The following ATAD1 variants were observed in gnomAD, a reference collection of about 807,000 sequenced individuals.
ATAD1 encodes ATPase family AAA domain containing 1.
A neutral mutation model predicts 42.7 loss-of-function variants in ATAD1; 18 were observed. That is an observed-to-expected ratio of 0.42 (90% CI 0.29 to 0.63). ATAD1 has a LOEUF of 0.63. ATAD1 is among the 20% of genes least tolerant of loss of function. The pLI is 0.19. For missense variants in ATAD1, 294 were observed against 440.4 expected (o/e 0.67, Z 2.98); for synonymous variants, 132 against 143.1 (o/e 0.92, Z 0.55).
chr10:87,817,810 C>T, intron 1 of ATAD1: 2 of 985,466 alleles, frequency 2.0e-6, no homozygotes, highest in Non-Finnish European at 2.4e-6. Flanking sequence ...TCATTCCAGC[C>T]GCCTTCGTCT....
At chr10:87,764,568 T>C (rs1854645312) in intron 8 of ATAD1, among the ~76,000 whole-genome samples, 1 of 152,180 alleles carries the variant, frequency 6.6e-6, no homozygotes, top group Non-Finnish European at 1.5e-5. Flanking sequence ...AAATTCCAAA[T>C]ATGATAAAGA....
chr10:87,811,334 A>AAAATAAATAAATAAAT (rs71022509), intron 2 of ATAD1, among the ~76,000 whole-genome samples: 34,697 of 149,356 alleles, frequency 0.23, 4,393 homozygotes, highest in Non-Finnish European at 0.28. Flanking sequence ...CTCCAACTCA[A>AAAATAAATAAATAAAT]AAATAAATAA....
intron 1 of ATAD1, among the ~76,000 whole-genome samples, chr10:87,817,590 C>G (rs1336192805): frequency 6.6e-6 from 1 of 152,210 alleles, no homozygotes; most frequent in Non-Finnish European, 1.5e-5. Flanking sequence ...CAGTATTTCA[C>G]AAATCGTTTC....
intron 6 of ATAD1, among the ~76,000 whole-genome samples, chr10:87,771,914 T>C (rs1855049781): frequency 6.6e-6 from 1 of 152,168 alleles, no homozygotes; most frequent in African/African-American, 2.4e-5. Context: ...TTATTGGTAT[T>C]CCATGGAAAC....
chr10:87,831,091 C>T (rs1000920961), intron 1 of ATAD1, among the ~76,000 whole-genome samples: 1 of 152,106 alleles, frequency 6.6e-6, no homozygotes. Flanking sequence ...CCTTGGTTTT[C>T]TCATGTATAA....
At chr10:87,814,726 T>C (rs1389472135) in intron 1 of ATAD1, 114 bp from the exon 2 acceptor site, 1 of 752,628 alleles carries the variant, frequency 1.3e-6, no homozygotes, top group Non-Finnish European at 1.8e-6. Flanking sequence ...CAAATTAAAA[T>C]ATTACCTACC....
At chr10:87,764,764 A>C (rs1854655655) in intron 8 of ATAD1, among the ~76,000 whole-genome samples, 1 of 152,180 alleles carries the variant, frequency 6.6e-6, no homozygotes, top group Non-Finnish European at 1.5e-5. Flanking sequence ...GGCAAAACCC[A>C]GACTGTGGAC....
chr10:87,821,858 A>G (rs1857637518), upstream of ATAD1, among the ~76,000 whole-genome samples: 1 of 152,182 alleles, frequency 6.6e-6, no homozygotes, highest in Admixed American at 6.5e-5. Flanking sequence ...ATCTGAGCTG[A>G]TTGGGATATA....
chr10:87,769,833 C>G (rs1854946447), intron 7 of ATAD1, among the ~76,000 whole-genome samples: 1 of 151,984 alleles, frequency 6.6e-6, no homozygotes, highest in Non-Finnish European at 1.5e-5. Context: ...GTAATCCCAA[C>G]TTATTGGGAG....
chr10:87,780,327 T>G (rs1855507578), intron 5 of ATAD1, among the ~76,000 whole-genome samples: 1 of 152,148 alleles, frequency 6.6e-6, no homozygotes, highest in African/African-American at 2.4e-5. Context: ...AGGACAAATA[T>G]TTGATACTAT....
At chr10:87,787,529 G>A (rs994426716) in intron 4 of ATAD1, among the ~76,000 whole-genome samples, 3 of 152,114 alleles carry the variant, frequency 2.0e-5, no homozygotes, top group African/African-American at 7.2e-5. Flanking sequence ...AGAGGCAGGA[G>A]GATCATTTGA....
At chr10:87,833,468 T>C (rs1024379496) in intron 1 of ATAD1, among the ~76,000 whole-genome samples, 6 of 152,182 alleles carry the variant, frequency 3.9e-5, no homozygotes, top group Admixed American at 1.3e-4. Context: ...TTTATCTTCT[T>C]GCCTTATTAC....
intron 2 of ATAD1, among the ~76,000 whole-genome samples, chr10:87,809,257 C>A (rs1326414513): frequency 5.3e-5 from 8 of 152,142 alleles, no homozygotes; most frequent in Non-Finnish European, 1.2e-4. Context: ...TCCCCTCAAA[C>A]TGAACTACTA....
At chr10:87,831,408 A>G (rs1229738368) in intron 1 of ATAD1, among the ~76,000 whole-genome samples, 3 of 152,238 alleles carry the variant, frequency 2.0e-5, no homozygotes, top group East Asian at 1.9e-4. Flanking sequence ...GCACAGATTA[A>G]GTCTACGTAA....
chr10:87,812,732 T>C (rs139307671), intron 2 of ATAD1, among the ~76,000 whole-genome samples: 2 of 152,346 alleles, frequency 1.3e-5, no homozygotes, highest in African/African-American at 2.4e-5. Flanking sequence ...TCCCTCCTTT[T>C]CAGTTGATGA....
intron 2 of ATAD1, among the ~76,000 whole-genome samples, chr10:87,804,916 A>G (rs1856855183): frequency 6.6e-6 from 1 of 152,132 alleles, no homozygotes; most frequent in Admixed American, 6.5e-5. Context: ...CTCCTCTCTC[A>G]TTACCAATTA....
chr10:87,810,497 A>G (rs546796729), intron 2 of ATAD1, among the ~76,000 whole-genome samples: 2 of 152,180 alleles, frequency 1.3e-5, no homozygotes, highest in South Asian at 4.1e-4. Context: ...TAGTTATATC[A>G]TATTTTTGCT....
chr10:87,828,214 T>G (rs1857763878), intron 1 of ATAD1, among the ~76,000 whole-genome samples: 1 of 152,146 alleles, frequency 6.6e-6, no homozygotes, highest in South Asian at 2.1e-4. Context: ...CCTCCCATAT[T>G]GGCCTCCCAA....
intron 1 of ATAD1, among the ~76,000 whole-genome samples, chr10:87,835,819 TA>T (rs900771055): frequency 8.3e-4 from 127 of 152,284 alleles, no homozygotes; most frequent in African/African-American, 2.9e-3. Context: ...GTGTCCTTGT[TA>T]AAAAAGTTTT....
Sources: allele counts gnomAD v4.1 joint callset (sites outside exome capture counted in the v4.1 genomes callset), GRCh38; gene constraint gnomAD v4.1.1; transcripts MANE v1.5; gene names NCBI Gene and HGNC (gene_info 2026-07-23, HGNC 2026-07-21).